The following GBP2 variants were observed in gnomAD, a reference collection of about 807,000 sequenced individuals.
The protein encoded by GBP2 is guanylate binding protein 2.
Under a neutral mutation model 60.8 loss-of-function variants are expected in GBP2, and 54 were observed. That is an observed-to-expected ratio of 0.89 (90% CI 0.71 to 1.11). GBP2 has a LOEUF of 1.11. Among genes scored for constraint, GBP2 ranks in the 50% most tolerant of loss-of-function variants. The probability of loss-of-function intolerance (pLI) is 0.00; values close to 1 mark genes in which losing one functional copy is unlikely to be tolerated. For synonymous variants in GBP2, 243 were observed against 256.5 expected (o/e 0.95, Z 0.50); for missense variants, 665 against 703.3 (o/e 0.95, Z 0.62).
rs1201500935 is a variant in GBP2, at chr1:89,117,160, A to G, written c.700T>C (p.Phe234Leu). The change falls in exon 6 of 11, where the codon TTC (phenylalanine) becomes CTC (leucine). Residue 234 changes from phenylalanine to leucine, a missense_variant. Coordinates refer to ENST00000370466, the MANE Select transcript of GBP2 (RefSeq NM_004120.5). ...TTAGGAGCGGGCCAATCGAAGACGA[A>G]GCACTTCCTCTTGGGGAAGAACTTT... The part of the protein sequence containing the change: ...IRKFFPKRKC[F>L]VFDWPAPKKY... 6.2e-7 allele frequency: 1 copy of G among 1,614,204 alleles called. No individual in the cohort carries two copies. The highest frequency in any genetic ancestry group is 8.5e-7 in the Non-Finnish European group (1 of 1,180,030).
chr1:89,110,232 T>A lies in GBP2; in HGVS notation c.1397A>T (p.Lys466Met), dbSNP rs1681136303. 3.7e-6 allele frequency: 6 copies of A among 1,613,802 alleles called. No individual in the cohort carries two copies. Among genetic ancestry groups the A allele is most frequent in the Non-Finnish European group, 5.1e-6 (6 of 1,179,826 alleles). The change falls in exon 9 of 11, where the codon AAG becomes ATG. Residue 466 changes from lysine to methionine, a missense_variant. Coordinates refer to ENST00000370466, the MANE Select transcript of GBP2 (RefSeq NM_004120.5). Reference protein sequence around the residue: ...KEVLKKYLESKEDVADALLQT... With the variant: ...KEVLKKYLESMEDVADALLQT... ...TAGAAGTGCATCAGCCACATCCTCC[T>A]TGGACTCCAAATATTTTTTCAGCAC...
chr1:89,117,132 T>C lies in GBP2; in HGVS notation c.728A>G (p.Lys243Arg), dbSNP rs1291770441. 2.5e-6 allele frequency: 4 copies of C among 1,614,068 alleles called. No homozygotes were observed. Among genetic ancestry groups the C allele is most frequent in the African/African-American group, 2.7e-5 (2 of 74,926 alleles). Residue 243 changes from lysine (K) to arginine (R), a missense_variant, in exon 6 of 11, where the codon AAG becomes AGG. Lys to Arg is a conservative substitution (Grantham distance 26, BLOSUM62 2). Transcript: ENST00000370466. Reference sequence around the variant, plus strand: ...TAGCTGCTCTAGGTGAGCAAGGTACTTCTTAGGAGCGGGCCAATCGAAGAC... The same window carrying C: ...TAGCTGCTCTAGGTGAGCAAGGTACCTCTTAGGAGCGGGCCAATCGAAGAC... ...CFVFDWPAPKKYLAHLEQLKE... is the reference protein window; with the variant it reads ...CFVFDWPAPKRYLAHLEQLKE...
chr1:89,109,567 G>A (rs1425389857), intron 10 of GBP2, 110 bp downstream of exon 10: 58 of 795,528 alleles, frequency 7.3e-5, no homozygotes, highest in Non-Finnish European at 7.1e-5. Flanking sequence ...GAAAAATGTA[G>A]TAGTGTCTGG....
chr1:89,113,896 A>G (rs1681213653), intron 7 of GBP2, 120 bp downstream of exon 7: 1 of 1,206,292 alleles, frequency 8.3e-7, no homozygotes, highest in Non-Finnish European at 1.2e-6. Context: ...TAGTCTTTTA[A>G]TGATTATTTC....
intron 4 of GBP2, 81 bp downstream of exon 4, chr1:89,120,098 C>G (rs1681369107): frequency 2.1e-6 from 2 of 940,664 alleles, no homozygotes; most frequent in African/African-American, 3.3e-5. Context: ...CAGTACCTGT[C>G]TGTCTGCCTC....
At chr1:89,116,026 T>TAC (rs1681264166) in intron 6 of GBP2, among the ~76,000 whole-genome samples, 1 of 151,394 alleles carries the variant, frequency 6.6e-6, no homozygotes. Context: ...TATATATATA[T>TAC]ATTGGAGACA....
At position 89,112,941 on chromosome 1, in the gene GBP2, C is replaced by T. The variant is rs956693643; in HGVS notation, c.1150-257G>A. On this transcript the variant is annotated intron_variant, in intron 7 of 10. Transcript: ENST00000370466. ...CAGAGAATGATTCTCAAAGCACATA[C>T]ACTATTTCATACGAAACTTTTATCT... The T allele has an allele frequency of 9.9e-6, 5 of 503,228 alleles. 1 individual carries two copies. The highest frequency in any genetic ancestry group is 6.8e-5 in the South Asian group (3 of 43,856). The allele number at this position is 503,228 out of a possible 1,614,324, so 31.2% of individuals were successfully genotyped here.
intron 6 of GBP2, 136 bp from the exon 7 acceptor site, chr1:89,114,432 A>T: frequency 1.8e-6 from 2 of 1,088,424 alleles, no homozygotes; most frequent in Non-Finnish European, 2.6e-6. Context: ...ATAATTTGTT[A>T]ACCTCTAATC....
rs532759602 is a variant in GBP2 at position 89,114,305 on chromosome 1, G to A, written c.869-9C>T. ...CACCAGGCTCTCTAGACCTGCAAAA[G>A]GGAATTTTTAAAAAAATGTGACTAT... is the stretch of plus-strand genomic sequence containing the variant. On this transcript the variant is annotated splice_polypyrimidine_tract_variant and intron_variant, in intron 6 of 10. Coordinates refer to ENST00000370466, the MANE Select transcript of GBP2 (RefSeq NM_004120.5). 12 of 1,607,352 alleles carry A rather than the reference G, an allele frequency of 7.5e-6. No homozygotes were observed. In the South Asian group the frequency reaches 8.8e-5, roughly 12 times the overall value.
chr1:89,113,093 G>C (rs1449824518), intron 7 of GBP2: 1 of 219,144 alleles, frequency 4.6e-6, no homozygotes, highest in Non-Finnish European at 9.1e-6. Flanking sequence ...AGGATTCCTT[G>C]TCTGTGCAGC....
intron 1 of GBP2, among the ~76,000 whole-genome samples, chr1:89,122,617 G>A (rs7537582): frequency 0.057 from 8,664 of 152,156 alleles, 797 homozygotes; most frequent in African/African-American, 0.2. Context: ...GATTCATGAT[G>A]TTGACATGAC....
chr1:89,122,219 T>C (rs1681416353), intron 1 of GBP2, among the ~76,000 whole-genome samples: 1 of 152,174 alleles, frequency 6.6e-6, no homozygotes, highest in Non-Finnish European at 1.5e-5. Context: ...TATGGAAAGT[T>C]CCCATATATC....
At chr1:89,123,770 A>C (rs1453031857) in intron 1 of GBP2, among the ~76,000 whole-genome samples, 1 of 152,208 alleles carries the variant, frequency 6.6e-6, no homozygotes, top group African/African-American at 2.4e-5. Flanking sequence ...TGAGTATGCG[A>C]AATATCAGAG....
chr1:89,111,337 A>T (rs772916146), intron 8 of GBP2, among the ~76,000 whole-genome samples: 5 of 152,210 alleles, frequency 3.3e-5, no homozygotes, highest in Non-Finnish European at 7.3e-5. Flanking sequence ...AATAAAGGGC[A>T]TCCAAGTTGG....
chr1:89,120,185 T>C lies in GBP2; in HGVS notation c.422A>G (p.Gln141Arg). Reference protein sequence around the residue: ...MGTINQQAMDQLHYVTELTDR... With the variant: ...MGTINQQAMDRLHYVTELTDR... ...GGACCACAAAAAAGGATACTGAAGT[T>C]GGTCCATGGCCTGCTGGTTGATGGT... Residue 141 changes from glutamine to arginine, a missense_variant, in exon 4 of 11, where the codon CAA becomes CGA. Gln to Arg is a conservative substitution (Grantham distance 43). Transcript: ENST00000370466. 1 of 1,612,922 alleles carries C rather than the reference T, an allele frequency of 6.2e-7. No individual in the cohort carries two copies. Among genetic ancestry groups the C allele is most frequent in the African/African-American group, 1.3e-5 (1 of 75,008 alleles).
chr1:89,114,083 T>C lies in GBP2; in HGVS notation c.1082A>G (p.Glu361Gly), dbSNP rs747022657. 2 of 1,614,204 alleles carry C rather than the reference T, an allele frequency of 1.2e-6. No individual in the cohort carries two copies. The highest frequency in any genetic ancestry group is 3.3e-5 in the Admixed American group (2 of 60,030). ...GTTCTTCATGAAGACTTCAATGGCCTCTCTCTCACTGTCCCTGTGCAGGTC... is the reference window on the plus strand; with the variant it reads ...GTTCTTCATGAAGACTTCAATGGCCCCTCTCTCACTGTCCCTGTGCAGGTC... ...LLDLHRDSER[E>G]AIEVFMKNSF... Residue 361 changes from glutamate (E) to glycine (G), a missense_variant, in exon 7 of 11, where the codon GAG becomes GGG. Glu to Gly is a moderately conservative substitution (Grantham distance 98, BLOSUM62 -2). Transcript: ENST00000370466.
chr1:89,108,147 G>T lies in GBP2; in HGVS notation c.*28C>A. 1 of 1,305,118 alleles carries T rather than the reference G, an allele frequency of 7.7e-7. No individual in the cohort carries two copies. The highest frequency in any genetic ancestry group is 1.1e-6 in the Non-Finnish European group (1 of 905,950). 80.8% of individuals were successfully genotyped at this position (1,305,118 alleles called of 1,614,324 possible). ...TGTTGTTTCTTGGGGAGAGGGAGCT[G>T]GACAGGCAAATTTTGCTCCTTGGAC... On this transcript the variant is annotated 3_prime_UTR_variant, in exon 11 of 11. Transcript: ENST00000370466.
chr1:89,109,059 C>T (rs1681111636), intron 10 of GBP2, among the ~76,000 whole-genome samples: 1 of 152,076 alleles, frequency 6.6e-6, no homozygotes, highest in African/African-American at 2.4e-5. Flanking sequence ...CTATGCCCAG[C>T]TAATTTTGTA....
Position 89,107,522 on chromosome 1 carries a change from A to C in GBP2, c.*653T>G, listed in dbSNP as rs1462401070. On this transcript the variant is annotated 3_prime_UTR_variant, in exon 11 of 11. Transcript: ENST00000370466. ...AGGTGGAGCCTCTACTCATAAATGC[A>C]TTCTGCACAGAGGCAACCACTTTCT... Among the ~76,000 whole-genome samples, 11 of 152,198 alleles carry C rather than the reference A, an allele frequency of 7.2e-5. No homozygotes were observed. Among genetic ancestry groups the C allele is most frequent in the Non-Finnish European group, 1.2e-4 (8 of 68,030 alleles).
Sources: allele counts gnomAD v4.1 joint callset (sites outside exome capture counted in the v4.1 genomes callset), GRCh38; gene constraint gnomAD v4.1.1; transcripts MANE v1.5; gene names NCBI Gene and HGNC (gene_info 2026-07-23, HGNC 2026-07-21).